The following CRYL1 variants were observed in gnomAD, a reference collection of about 807,000 sequenced individuals.
The protein encoded by CRYL1 is lambda-crystallin homolog.
A neutral mutation model predicts 36.6 loss-of-function variants in CRYL1; 29 were observed. The observed-to-expected ratio is 0.79, with a 90% CI of 0.59 to 1.08. CRYL1 has a LOEUF of 1.08. Ranked by LOEUF, CRYL1 falls within the 50% of genes least tolerant of loss-of-function variation. CRYL1 has a pLI of 0.00. For synonymous variants in CRYL1, 152 were observed against 151.5 expected, an observed-to-expected ratio of 1.00 and a Z score of -0.02; for missense variants, 411 against 407.9, an observed-to-expected ratio of 1.01 and a Z score of -0.06.
chr13:20,414,206 TACACACACACAC>T (rs55719240), intron 5 of CRYL1, among the ~76,000 whole-genome samples: 1 of 150,494 alleles, frequency 6.6e-6, no homozygotes, highest in African/African-American at 2.4e-5. Context: ...ATTAAAAAAA[TACACACACACAC>T]ACACACACAC....
intron 5 of CRYL1, among the ~76,000 whole-genome samples, chr13:20,420,131 A>G (rs186725689): frequency 1.3e-5 from 2 of 152,392 alleles, no homozygotes; most frequent in Admixed American, 1.3e-4. Flanking sequence ...TGCTAACGCT[A>G]CAAGGGTTGA....
Position 20,425,505 on chromosome 13 carries a change from T to C in CRYL1, c.633+6597A>G, listed in dbSNP as rs2031913954. 6.6e-6 allele frequency among the ~76,000 whole-genome samples: 1 copy of C among 152,222 alleles called. No individual in the cohort carries two copies. Among genetic ancestry groups the C allele is most frequent in the Non-Finnish European group, 1.5e-5 (1 of 68,048 alleles). On this transcript the variant is annotated intron_variant, in intron 5 of 7. Coordinates refer to ENST00000298248, the MANE Select transcript of CRYL1 (RefSeq NM_015974.3). The surrounding 1 kb of genome is among the most constrained non-coding windows in gnomAD (Gnocchi z 4.4). ...AGGCCACGCAGGCAGCTTGCTGAGA[T>C]GGCTTCCTGCTCAGAAAATGAAATA...
At chr13:20,520,497 ATTATC>A (rs1565992816) in intron 1 of CRYL1, among the ~76,000 whole-genome samples, 1 of 152,152 alleles carries the variant, frequency 6.6e-6, no homozygotes, top group Non-Finnish European at 1.5e-5. Context: ...TGGAATCGCA[ATTATC>A]TGACCTGAGG....
rs1454726115 is a variant in CRYL1, at chr13:20,403,938, C to T, written c.*191G>A. The T allele has an allele frequency of 2.3e-6, 1 of 430,052 alleles. No homozygotes were observed. The highest frequency in any genetic ancestry group is 2.0e-5 in the African/African-American group (1 of 48,946). 26.6% of individuals were successfully genotyped at this position (430,052 alleles called of 1,614,324 possible). On this transcript the variant is annotated 3_prime_UTR_variant, in exon 8 of 8. Transcript: ENST00000298248. ...GAGAACGCAAGTGCTGCTGTGCCGC[C>T]AGGCCCAGGGCTATGATCCAAAGTG...
At chr13:20,504,222 C>A (rs2033752879) in intron 2 of CRYL1, among the ~76,000 whole-genome samples, 1 of 151,920 alleles carries the variant, frequency 6.6e-6, no homozygotes, top group Non-Finnish European at 1.5e-5. Flanking sequence ...ATCTTAAGAA[C>A]TAAAACACTC....
chr13:20,444,177 G>A (rs1169051268), intron 3 of CRYL1, among the ~76,000 whole-genome samples: 1 of 152,174 alleles, frequency 6.6e-6, no homozygotes, highest in Non-Finnish European at 1.5e-5. Context: ...TTAAGTAAAA[G>A]GGGAAAGAGC....
intron 2 of CRYL1, among the ~76,000 whole-genome samples, chr13:20,499,504 T>G (rs2033667774): frequency 6.7e-6 from 1 of 150,192 alleles, no homozygotes; most frequent in Non-Finnish European, 1.5e-5. Context: ...AAAAAAAAAA[T>G]TAGCCGGGCG....
rs1448438340 is a variant in CRYL1, at chr13:20,525,710, C to T, written c.41+44G>A. On this transcript the variant is annotated intron_variant, in intron 1 of 7. Coordinates refer to ENST00000298248, the MANE Select transcript of CRYL1 (RefSeq NM_015974.3). The surrounding 1 kb of genome is among the most constrained non-coding windows in gnomAD (Gnocchi z 4.3). Reference sequence around the variant, plus strand: ...CGCGAGGGCACCACGTCCCCGGCGTCTCCCCGGGCTCCAGGGGCAGCAGCG... The same window carrying T: ...CGCGAGGGCACCACGTCCCCGGCGTTTCCCCGGGCTCCAGGGGCAGCAGCG... The T allele has an allele frequency of 2.3e-6, 3 of 1,330,372 alleles. No homozygotes were observed. The African/African-American group carries it at 4.6e-5, about 20-fold the overall frequency. 82.4% of individuals were successfully genotyped at this position (1,330,372 alleles called of 1,614,324 possible).
At position 20,481,962 on chromosome 13, in the gene CRYL1, C is replaced by T. The variant is rs1236875560; in HGVS notation, c.276+7408G>A. On this transcript the variant is annotated intron_variant, in intron 3 of 7. Transcript: ENST00000298248. This position sits in a 1 kb window ranked among gnomAD's most constrained non-coding sequence, Gnocchi z 4.1. ...AACAGAAAAAGTGTAACTCCAGTTT[C>T]CTCGCACATTCCCGAATATTCTCAG... Among the ~76,000 whole-genome samples the T allele has an allele frequency of 6.6e-6, 1 of 152,076 alleles. No homozygotes were observed. The highest frequency in any genetic ancestry group is 1.5e-5 in the Non-Finnish European group (1 of 68,010).
chr13:20,463,990 A>C (rs2032883758), intron 3 of CRYL1, among the ~76,000 whole-genome samples: 1 of 152,170 alleles, frequency 6.6e-6, no homozygotes, highest in African/African-American at 2.4e-5. Flanking sequence ...GGTGTCCGTC[A>C]AATGGGGGCT....
chr13:20,510,996 G>C (rs2033905710), intron 2 of CRYL1, among the ~76,000 whole-genome samples: 1 of 152,160 alleles, frequency 6.6e-6, no homozygotes, highest in African/African-American at 2.4e-5. Context: ...GAAATGCCAA[G>C]TCCCCTTCCT....
chr13:20,497,182 T>C (rs1416331252), intron 2 of CRYL1, among the ~76,000 whole-genome samples: 1 of 151,948 alleles, frequency 6.6e-6, no homozygotes, highest in Admixed American at 6.6e-5. Flanking sequence ...CAAGAGGCCG[T>C]TGGGGGGTGC....
intron 2 of CRYL1, among the ~76,000 whole-genome samples, chr13:20,510,277 G>A (rs927523741): frequency 6.6e-6 from 1 of 152,162 alleles, no homozygotes; most frequent in African/African-American, 2.4e-5. Flanking sequence ...TTCAGTGGGT[G>A]AATAGATAAA....
intron 3 of CRYL1, among the ~76,000 whole-genome samples, chr13:20,449,995 T>C (rs1259467077): frequency 6.6e-6 from 1 of 152,222 alleles, no homozygotes; most frequent in African/African-American, 2.4e-5. Context: ...GAAGAATTAA[T>C]ATTGTTAACA....
In CRYL1 at chr13:20,525,832, C is replaced by A; in HGVS notation, c.-38G>T. On this transcript the variant is annotated 5_prime_UTR_variant, in exon 1 of 8. Coordinates refer to ENST00000298248, the MANE Select transcript of CRYL1 (RefSeq NM_015974.3). This position sits in a 1 kb window ranked among gnomAD's most constrained non-coding sequence, Gnocchi z 4.3. ...GACGCGGCGCCGCGGGCGCTGGGAC[C>A]AGGCGCCGGCGGAGCTGCGAGCTCT... 1 of 1,219,412 alleles carries A rather than the reference C, an allele frequency of 8.2e-7. No individual in the cohort carries two copies. The highest frequency in any genetic ancestry group is 1.0e-6 in the Non-Finnish European group (1 of 978,880). The allele number at this position is 1,219,412 out of a possible 1,614,324, so 75.5% of individuals were successfully genotyped here. A position where few individuals can be genotyped will look rare whatever the true frequency, so the allele number is the denominator to read the frequency against.
intron 6 of CRYL1, among the ~76,000 whole-genome samples, chr13:20,408,083 G>A (rs2031422880): frequency 6.6e-6 from 1 of 152,152 alleles, no homozygotes; most frequent in Non-Finnish European, 1.5e-5. Context: ...GGGTTTCACA[G>A]AACTCATTAA....
intron 5 of CRYL1, among the ~76,000 whole-genome samples, chr13:20,429,057 C>A (rs1295386224): frequency 6.6e-6 from 1 of 152,114 alleles, no homozygotes; most frequent in Non-Finnish European, 1.5e-5. Context: ...GTCCTAGTTG[C>A]CCCCCGACCA....
chr13:20,405,594 C>A (rs1174817620), intron 6 of CRYL1, among the ~76,000 whole-genome samples: 1 of 152,198 alleles, frequency 6.6e-6, no homozygotes, highest in Non-Finnish European at 1.5e-5. Flanking sequence ...GGAGAGCTCA[C>A]GTTGGCTTGT....
intron 3 of CRYL1, among the ~76,000 whole-genome samples, chr13:20,482,933 C>T (rs1291375976): frequency 3.9e-5 from 6 of 152,024 alleles, no homozygotes; most frequent in Non-Finnish European, 7.4e-5. Context: ...GCGAAGTAAG[C>T]CAGGCACAGA....
Sources: allele counts gnomAD v4.1 joint callset (sites outside exome capture counted in the v4.1 genomes callset), GRCh38; gene constraint gnomAD v4.1.1; non-coding constraint Gnocchi (gnomAD v3.1); transcripts MANE v1.5; gene names NCBI Gene and HGNC (gene_info 2026-07-23, HGNC 2026-07-21).